Variants in ABCA12 observed in about 807,000 individuals in gnomAD.
ABCA12 encodes the protein glucosylceramide transporter ABCA12.
A neutral mutation model predicts 293.5 loss-of-function variants in ABCA12; 156 were observed. That is an observed-to-expected ratio of 0.53 (90% CI 0.47 to 0.61). The LOEUF (loss-of-function observed/expected upper bound fraction) is 0.61, where lower values mean the gene tolerates loss of function less well. Among genes scored for constraint, ABCA12 ranks in the 20% least tolerant of loss-of-function variants. ABCA12 has a pLI of 0.00. For missense variants in ABCA12, 2,797 were observed against 3,090.2 expected (o/e 0.91, Z 2.25); for synonymous variants, 1,063 against 1,108.0 (o/e 0.96, Z 0.81).
intron 48 of ABCA12, among the ~76,000 whole-genome samples, chr2:214,946,134 T>G (rs540335356): frequency 6.6e-6 from 1 of 152,270 alleles, no homozygotes; most frequent in Non-Finnish European, 1.5e-5. Context: ...CTAATTACTC[T>G]GATTTGATCA....
intron 22 of ABCA12, among the ~76,000 whole-genome samples, chr2:214,998,958 A>G (rs1700088819): frequency 6.6e-6 from 1 of 152,210 alleles, no homozygotes; most frequent in African/African-American, 2.4e-5. Context: ...CTACAAGACT[A>G]AAAAATTACC....
At chr2:215,040,480 T>C (rs541823017) in intron 7 of ABCA12, among the ~76,000 whole-genome samples, 2 of 152,262 alleles carry the variant, frequency 1.3e-5, no homozygotes, top group South Asian at 4.1e-4. Context: ...GGCAAAGATA[T>C]GAAGAAATCC....
intron 23 of ABCA12, among the ~76,000 whole-genome samples, chr2:214,994,609 C>A (rs1699996648): frequency 1.3e-5 from 2 of 152,174 alleles, no homozygotes; most frequent in Non-Finnish European, 2.9e-5. Flanking sequence ...ATAACATTTT[C>A]TACCTCAATT....
intron 9 of ABCA12, among the ~76,000 whole-genome samples, chr2:215,028,401 T>C (rs965997839): frequency 2.0e-5 from 3 of 152,206 alleles, no homozygotes; most frequent in Non-Finnish European, 4.4e-5. Flanking sequence ...TTAAATACTA[T>C]TCATAGTCTT....
chr2:214,951,454 A>G (rs543540707), intron 44 of ABCA12, among the ~76,000 whole-genome samples: 24 of 152,224 alleles, frequency 1.6e-4, no homozygotes, highest in Admixed American at 9.2e-4. Context: ...CCTAAGACCA[A>G]TGATCACCTT....
intron 1 of ABCA12, among the ~76,000 whole-genome samples, chr2:215,121,188 T>C (rs113928397): frequency 2.0e-4 from 31 of 152,306 alleles, no homozygotes; most frequent in African/African-American, 7.5e-4. Flanking sequence ...AGAGCTGGTG[T>C]TTGAACCCAG....
intron 2 of ABCA12, among the ~76,000 whole-genome samples, chr2:215,067,596 G>A (rs1054986328): frequency 4.6e-5 from 7 of 152,046 alleles, no homozygotes; most frequent in Non-Finnish European, 8.8e-5. Flanking sequence ...TCATAGGGTC[G>A]AATTCAGAAG....
chr2:215,079,840 C>A (rs1701903198), intron 2 of ABCA12, among the ~76,000 whole-genome samples: 1 of 152,116 alleles, frequency 6.6e-6, no homozygotes, highest in South Asian at 2.1e-4. Context: ...TTAAGATAGG[C>A]TGATGAAATC....
Position 215,001,556 on chromosome 2 carries a change from A to T in ABCA12, c.2863+2T>A. 6.2e-7 allele frequency: 1 copy of T among 1,613,654 alleles called. No homozygotes were observed. Among genetic ancestry groups the T allele is most frequent in the South Asian group, 1.1e-5 (1 of 91,070 alleles). On this transcript the variant is annotated splice_donor_variant, in intron 21 of 52. Coordinates refer to ENST00000272895, the MANE Select transcript of ABCA12 (RefSeq NM_173076.3). LOFTEE classifies it high-confidence loss of function. ...CTCAAACCCTAATAGAACAGCACTTACTTCCAAAGAGTTCGTTGCTTTTGT... is the reference window on the plus strand; with the variant it reads ...CTCAAACCCTAATAGAACAGCACTTTCTTCCAAAGAGTTCGTTGCTTTTGT...
chr2:215,090,370 C>T (rs1016973469), intron 2 of ABCA12, among the ~76,000 whole-genome samples: 3 of 152,186 alleles, frequency 2.0e-5, no homozygotes, highest in African/African-American at 7.2e-5. Context: ...TCCTTGTCCT[C>T]ACTCTGTGAG....
intron 39 of ABCA12, chr2:214,963,120 C>T (rs747142943): frequency 5.3e-5 from 8 of 151,892 alleles, no homozygotes; most frequent in South Asian, 4.2e-4. Flanking sequence ...AAAAAATCAA[C>T]GAATCCAGGA....
chr2:214,950,939 T>C lies in ABCA12; in HGVS notation c.6792A>G (p.Gln2264=), dbSNP rs1167962654. The C allele has an allele frequency of 1.2e-6, 2 of 1,614,190 alleles. No individual in the cohort carries two copies. The highest frequency in any genetic ancestry group is 1.1e-5 in the South Asian group (1 of 91,086). Residue 2264 remains glutamine, a synonymous_variant, in exon 45 of 53, where the codon CAA becomes CAG. Coordinates refer to ENST00000272895, the MANE Select transcript of ABCA12 (RefSeq NM_173076.3). ...CAGCTATAATCTTTTTGTGGATAAG[T>C]TGGTAGGTCTTTGTGAGACAATAAA... ...VQLYCLTKTY[Q]LIHKKIIAVN...
At chr2:215,107,215 A>T (rs1441949370) in intron 2 of ABCA12, among the ~76,000 whole-genome samples, 3 of 152,182 alleles carry the variant, frequency 2.0e-5, no homozygotes, top group Non-Finnish European at 2.9e-5. Context: ...TTGCCTGGAC[A>T]TTCATGGGTA....
intron 2 of ABCA12, among the ~76,000 whole-genome samples, chr2:215,083,776 C>T (rs184507169): frequency 1.3e-5 from 2 of 152,200 alleles, no homozygotes; most frequent in Admixed American, 1.3e-4. Flanking sequence ...CTTGGGTATT[C>T]AATTCACTGA....
At chr2:215,058,687 C>A (rs567972158) in intron 3 of ABCA12, among the ~76,000 whole-genome samples, 468 of 152,086 alleles carry the variant, frequency 3.1e-3, no homozygotes, top group Non-Finnish European at 5.1e-3. Context: ...CTACTGGACC[C>A]GGCCACATGC....
At chr2:215,088,766 G>GA (rs1702086227) in intron 2 of ABCA12, among the ~76,000 whole-genome samples, 1 of 152,108 alleles carries the variant, frequency 6.6e-6, no homozygotes. Context: ...ACCTGTTTTG[G>GA]AAAAAAGACT....
chr2:214,997,726 A>G lies in ABCA12; in HGVS notation c.3263T>C (p.Leu1088Pro). The change falls in exon 23 of 53, where the codon CTT becomes CCT. Residue 1088 changes from leucine (L) to proline (P), a missense_variant. Leu to Pro is a moderately conservative substitution (Grantham distance 98). Transcript: ENST00000272895. ...AAGCCGGAGGTCTTTCTCATAGACA[A>G]GCTTTTTTACAAAGGCAGCTATAAA... ...VVFIAAFVKK[L>P]VYEKDLRLHE... 1 of 1,613,298 alleles carries G rather than the reference A, an allele frequency of 6.2e-7. No homozygotes were observed. Among genetic ancestry groups the G allele is most frequent in the Non-Finnish European group, 8.5e-7 (1 of 1,179,418 alleles).
chr2:215,044,301 A>G lies in ABCA12; in HGVS notation c.872+1536T>C, dbSNP rs532658195. On this transcript the variant is annotated intron_variant, in intron 7 of 52. Transcript: ENST00000272895. ...AATATATGACCGCTTCAGTTGCTCT[A>G]TGTTCTTGCTAACACTTGGAATTAT... Among the ~76,000 whole-genome samples, 21 of 152,242 alleles carry G rather than the reference A, an allele frequency of 1.4e-4. 2 individuals are homozygous for G. Among genetic ancestry groups the G allele is most frequent in the Admixed American group, 1.4e-3 (21 of 15,288 alleles).
intron 1 of ABCA12, among the ~76,000 whole-genome samples, chr2:215,125,274 T>A (rs572831965): frequency 3.9e-5 from 6 of 152,180 alleles, no homozygotes; most frequent in Non-Finnish European, 7.4e-5. Flanking sequence ...TAGTCTTGCT[T>A]TGGCTATGTG....
Sources: allele counts gnomAD v4.1 joint callset (sites outside exome capture counted in the v4.1 genomes callset), GRCh38; gene constraint gnomAD v4.1.1; transcripts MANE v1.5; gene names NCBI Gene and HGNC (gene_info 2026-07-23, HGNC 2026-07-21).